CASKIN1: variants seen among roughly 807,000 people sequenced by gnomAD.
CASKIN1 encodes the protein CASK interacting protein 1.
In CASKIN1, 42 loss-of-function variants were observed where a neutral mutation model predicts 117.5. That is an observed-to-expected ratio of 0.36 (90% CI 0.28 to 0.46). CASKIN1 has a LOEUF of 0.46. CASKIN1 is among the 20% of genes least tolerant of loss of function. CASKIN1 has a pLI of 1.00. For missense variants in CASKIN1, 2,083 were observed against 2,077.3 expected, an observed-to-expected ratio of 1.00 and a Z score of -0.05; for synonymous variants, 1,148 against 961.7, an observed-to-expected ratio of 1.19 and a Z score of -3.59.
At position 2,183,957 on chromosome 16, in the gene CASKIN1, C is replaced by T. The variant is rs2093175979; in HGVS notation, c.1417-16G>A. On this transcript the variant is annotated splice_polypyrimidine_tract_variant and intron_variant, in intron 14 of 19. Coordinates refer to ENST00000343516, the MANE Select transcript of CASKIN1 (RefSeq NM_020764.4). ...CCTCAGAGCTCTGGAAGACACAAGG[C>T]ACCCACTGCAGGCTCGCCTGCCCGG... 1 of 1,555,882 alleles carries T rather than the reference C, an allele frequency of 6.4e-7. No homozygotes were observed. Among genetic ancestry groups the T allele is most frequent in the African/African-American group, 1.4e-5 (1 of 73,592 alleles).
chr16:2,180,101 G>A lies in CASKIN1; in HGVS notation c.3267C>T (p.Pro1089=), dbSNP rs899149209. ...RGPGESADPG[P]FVEDGTGRQR... Reference sequence around the variant, plus strand: ...GCCGGCCAGTGCCATCCTCCACAAAGGGGCCTGGGTCTGCCGACTCCCCAG... The same window carrying A: ...GCCGGCCAGTGCCATCCTCCACAAAAGGGCCTGGGTCTGCCGACTCCCCAG... The change falls in exon 18 of 20, where the codon CCC becomes CCT. Residue 1089 remains proline, a synonymous_variant. Coordinates refer to ENST00000343516, the MANE Select transcript of CASKIN1 (RefSeq NM_020764.4). 1.3e-6 allele frequency: 2 copies of A among 1,559,992 alleles called. No homozygotes were observed. The highest frequency in any genetic ancestry group is 1.7e-6 in the Non-Finnish European group (2 of 1,153,484).
intron 1 of CASKIN1, among the ~76,000 whole-genome samples, chr16:2,192,911 C>A (rs2093205077): frequency 6.6e-6 from 1 of 152,258 alleles, no homozygotes; most frequent in Admixed American, 6.5e-5. Flanking sequence ...CCTCATCCCC[C>A]ACACTCTGCC....
rs2093157896 is a variant in CASKIN1 at position 2,179,336 on chromosome 16, G to T, written c.3776-11C>A. The stretch of plus-strand genomic sequence containing the variant: ...GGGCGCGCTTCACCTCTGCGGGGAG[G>T]ACCACGCTGGCACCGAGCGGGCACG... On this transcript the variant is annotated splice_polypyrimidine_tract_variant and intron_variant, in intron 18 of 19. Coordinates refer to ENST00000343516, the MANE Select transcript of CASKIN1 (RefSeq NM_020764.4). This position sits in a 1 kb window ranked among gnomAD's most constrained non-coding sequence, Gnocchi z 5.8. 1 of 1,292,388 alleles carries T rather than the reference G, an allele frequency of 7.7e-7. No homozygotes were observed. Among genetic ancestry groups the T allele is most frequent in the South Asian group, 2.7e-5 (1 of 36,854 alleles). The allele number at this position is 1,292,388 out of a possible 1,614,324, so 80.1% of individuals were successfully genotyped here. A position where few individuals can be genotyped will look rare whatever the true frequency, so the allele number is the denominator to read the frequency against.
At chr16:2,183,283 C>T (rs965538054) in intron 16 of CASKIN1, among the ~76,000 whole-genome samples, 7 of 152,288 alleles carry the variant, frequency 4.6e-5, no homozygotes, top group South Asian at 2.1e-4. Context: ...GAGCAAAGGC[C>T]GTAAGCATGG....
chr16:2,178,776 C>G (rs1197132879), intron 19 of CASKIN1, 126 bp downstream of exon 19: 7 of 1,336,590 alleles, frequency 5.2e-6, no homozygotes, highest in Admixed American at 3.3e-5. Context: ...GGCGGAGCCC[C>G]GCTCACGGCA....
At position 2,179,616 on chromosome 16, in the gene CASKIN1, G is replaced by C; in HGVS notation, c.3752C>G (p.Pro1251Arg). Residue 1251 changes from proline (P) to arginine (R), a missense_variant, in exon 18 of 20, where the codon CCG becomes CGG. By Grantham distance (103) the Pro-to-Arg change is moderately radical. This residue lies in a region of CASKIN1 where 1,818 missense variants were observed against 1,688.9 expected (regional missense o/e 1.08). Transcript: ENST00000343516. This position sits in a 1 kb window ranked among gnomAD's most constrained non-coding sequence, Gnocchi z 5.8. Reference sequence around the variant, plus strand: ...ACCTGGGCTGCCAGGGCCTGGCAGCGGCACCTTCTTGGAGGTGGGTGTGGG... The same window carrying C: ...ACCTGGGCTGCCAGGGCCTGGCAGCCGCACCTTCTTGGAGGTGGGTGTGGG... The part of the protein sequence containing the change: ...GSPTPTSKKV[P>R]LPGPGSPEVK... 1 of 1,458,702 alleles carries C rather than the reference G, an allele frequency of 6.9e-7. No homozygotes were observed. Among genetic ancestry groups the C allele is most frequent in the Non-Finnish European group, 9.0e-7 (1 of 1,111,336 alleles). The allele number at this position is 1,458,702 out of a possible 1,614,324, so 90.4% of individuals were successfully genotyped here. A position where few individuals can be genotyped will look rare whatever the true frequency, so the allele number is the denominator to read the frequency against.
Position 2,180,139 on chromosome 16 carries a change from C to T in CASKIN1, c.3229G>A (p.Ala1077Thr). Residue 1077 changes from alanine to threonine, a missense_variant, in exon 18 of 20, where the codon GCC (alanine) becomes ACC (threonine). This residue lies in a region of CASKIN1 where 1,818 missense variants were observed against 1,688.9 expected (regional missense o/e 1.08). Transcript: ENST00000343516. ...GCCGACTCCCCAGGCCCCCGGCGGG[C>T]AGTGGCCAGAAGTCCGGTGACTGGC... ...SGPVTGLLAT[A>T]RRGPGESADP... is the part of the protein sequence containing the mutation. The T allele has an allele frequency of 1.9e-6, 3 of 1,555,226 alleles. No homozygotes were observed. Among genetic ancestry groups the T allele is most frequent in the Non-Finnish European group, 2.6e-6 (3 of 1,150,308 alleles).
rs376676749 is a variant in CASKIN1 at position 2,181,513 on chromosome 16, G to T, written c.1855C>A (p.Arg619Ser). The T allele has an allele frequency of 6.8e-6, 11 of 1,608,248 alleles. No individual in the cohort carries two copies. The highest frequency in any genetic ancestry group is 9.3e-6 in the Non-Finnish European group (11 of 1,178,758). Residue 619 changes from arginine to serine, a missense_variant, in exon 18 of 20, where the codon CGC becomes AGC. Transcript: ENST00000343516. The stretch of plus-strand genomic sequence containing the variant: ...TCAAGAGACTGGGGCGCCTTCCGGC[G>T]CAGGGGGCCCCCCTCATACTTGGCG... ...EYAKYEGGPL[R>S]RKAPQSLEVM... is the part of the protein sequence containing the mutation.
chr16:2,178,591 A>G lies in CASKIN1; in HGVS notation c.4255T>C (p.Phe1419Leu). The change falls in exon 20 of 20, where the codon TTC becomes CTC. Residue 1419 changes from phenylalanine (F) to leucine (L), a missense_variant. By Grantham distance (22) the Phe-to-Leu change is conservative. This residue lies in a region of CASKIN1 where 1,818 missense variants were observed against 1,688.9 expected (regional missense o/e 1.08). Coordinates refer to ENST00000343516, the MANE Select transcript of CASKIN1 (RefSeq NM_020764.4). ...GSILDDIGSM[F>L]DDLADQLDAM... ...TCCAGCTGGTCGGCCAGGTCGTCGA[A>G]CATGCTGCCGATGTCGTCCAGGATG... The G allele has an allele frequency of 6.3e-7, 1 of 1,597,790 alleles. No individual in the cohort carries two copies. The highest frequency in any genetic ancestry group is 8.5e-7 in the Non-Finnish European group (1 of 1,176,324).
Position 2,177,187 on chromosome 16 carries a change from C to A in CASKIN1, c.*1363G>T. ...AAAAGTGAGCCAGGCACCTCTGTTT[C>A]CTGCTGTTTATTGACAGCCGACGGC... On this transcript the variant is annotated 3_prime_UTR_variant, in exon 20 of 20. Coordinates refer to ENST00000343516, the MANE Select transcript of CASKIN1 (RefSeq NM_020764.4). 4.1e-6 allele frequency: 1 copy of A among 245,256 alleles called. No individual in the cohort carries two copies. Among genetic ancestry groups the A allele is most frequent in the Non-Finnish European group, 8.1e-6 (1 of 123,826 alleles). The allele number at this position is 245,256 out of a possible 1,614,324, so 15.2% of individuals were successfully genotyped here.
chr16:2,184,170 C>T (rs1231722569), intron 14 of CASKIN1, among the ~76,000 whole-genome samples: 1 of 151,312 alleles, frequency 6.6e-6, no homozygotes. Context: ...CTGGGATCTC[C>T]ACCGGTGGGG....
In CASKIN1 at chr16:2,179,730, G is replaced by C; in HGVS notation, c.3638C>G (p.Pro1213Arg). The C allele has an allele frequency of 6.5e-7, 1 of 1,547,166 alleles. No homozygotes were observed. The highest frequency in any genetic ancestry group is 1.2e-5 in the South Asian group (1 of 83,590). ...CGGCTTCCGGGCTTCGCCCTCGGGC[G>C]GGGGCAATGGGGGTAGGTGCGCCAG... ...TDLAHLPPLP[P>R]PEGEARKPAK... is the part of the protein sequence containing the mutation. The change falls in exon 18 of 20, where the codon CCG becomes CGG. Residue 1213 changes from proline (P) to arginine (R), a missense_variant. By Grantham distance (103) the Pro-to-Arg change is moderately radical (BLOSUM62 -2). This residue lies in a region of CASKIN1 where 1,818 missense variants were observed against 1,688.9 expected (regional missense o/e 1.08). Coordinates refer to ENST00000343516, the MANE Select transcript of CASKIN1 (RefSeq NM_020764.4). The surrounding 1 kb of genome is among the most constrained non-coding windows in gnomAD (Gnocchi z 5.8).
rs1344197858 is a variant in CASKIN1 at position 2,179,595 on chromosome 16, G to A, written c.3773C>T (p.Pro1258Leu). The part of the protein sequence containing the change: ...KKVPLPGPGS[P>L]EVKRAHGTPP... ...TCACCCCACCCTGGCTGGCCTACCT[G>A]GGCTGCCAGGGCCTGGCAGCGGCAC... The change falls in exon 18 of 20, where the codon CCA (proline) becomes CTA (leucine). Residue 1258 changes from proline (P) to leucine (L), a missense_variant and splice_region_variant. By Grantham distance (98) the Pro-to-Leu change is moderately conservative (BLOSUM62 -3). This residue lies in a region of CASKIN1 where 1,818 missense variants were observed against 1,688.9 expected (regional missense o/e 1.08). Coordinates refer to ENST00000343516, the MANE Select transcript of CASKIN1 (RefSeq NM_020764.4). The surrounding 1 kb of genome is among the most constrained non-coding windows in gnomAD (Gnocchi z 5.8). 2 of 1,443,536 alleles carry A rather than the reference G, an allele frequency of 1.4e-6. No individual in the cohort carries two copies. Among genetic ancestry groups the A allele is most frequent in the South Asian group, 1.5e-5 (1 of 67,916 alleles). The allele number at this position is 1,443,536 out of a possible 1,614,324, so 89.4% of individuals were successfully genotyped here. A position where few individuals can be genotyped will look rare whatever the true frequency, so the allele number is the denominator to read the frequency against.
chr16:2,183,739 C>A lies in CASKIN1; in HGVS notation c.1536G>T (p.Thr512=), dbSNP rs370796747. ...TISRMTPEDL[T]AIGVTKPGHR... ...GGCCCGGCTTGGTGACACCAATGGC[C>A]GTGAGGTCCTAGGCAGTGGGGAGGC... Residue 512 remains threonine, a synonymous_variant, in exon 16 of 20, where the codon ACG becomes ACT. Coordinates refer to ENST00000343516, the MANE Select transcript of CASKIN1 (RefSeq NM_020764.4). 8 of 1,613,200 alleles carry A rather than the reference C, an allele frequency of 5.0e-6. No homozygotes were observed. The African/African-American group carries it at 9.3e-5, about 19-fold the overall frequency.
At chr16:2,192,584 G>T (rs2093204247) in intron 1 of CASKIN1, among the ~76,000 whole-genome samples, 1 of 152,096 alleles carries the variant, frequency 6.6e-6, no homozygotes, top group Non-Finnish European at 1.5e-5. Flanking sequence ...GTGTGCACGT[G>T]CGGCCTCCTC....
chr16:2,180,813 G>T lies in CASKIN1; in HGVS notation c.2555C>A (p.Ala852Glu). Residue 852 changes from alanine to glutamate, a missense_variant, in exon 18 of 20, where the codon GCG becomes GAG. Physicochemically the swap from Ala to Glu is moderately radical, Grantham distance 107. This residue lies in a region of CASKIN1 where 1,818 missense variants were observed against 1,688.9 expected (regional missense o/e 1.08). Coordinates refer to ENST00000343516, the MANE Select transcript of CASKIN1 (RefSeq NM_020764.4). The part of the protein sequence containing the change: ...GEVGPAAPGP[A>E]PPPVPTAVPT... ...CACAGCCGTCGGCACGGGTGGGGGC[G>T]CAGGCCCCGGGGCAGCCGGCCCCAC... 1 of 1,395,250 alleles carries T rather than the reference G, an allele frequency of 7.2e-7. No homozygotes were observed. Among genetic ancestry groups the T allele is most frequent in the Non-Finnish European group, 9.2e-7 (1 of 1,082,966 alleles). 86.4% of individuals were successfully genotyped at this position (1,395,250 alleles called of 1,614,324 possible).
intron 14 of CASKIN1, 129 bp from the exon 15 acceptor site, chr16:2,184,070 G>A (rs1040820867): frequency 1.6e-6 from 1 of 617,184 alleles, no homozygotes; most frequent in Non-Finnish European, 2.8e-6. Context: ...TCCATCTGCA[G>A]CAGGCCCCGG....
chr16:2,180,880 G>C lies in CASKIN1; in HGVS notation c.2488C>G (p.Arg830Gly), dbSNP rs752858207. 1.4e-6 allele frequency: 2 copies of C among 1,427,332 alleles called. No homozygotes were observed. Among genetic ancestry groups the C allele is most frequent in the Non-Finnish European group, 1.8e-6 (2 of 1,097,322 alleles). The allele number at this position is 1,427,332 out of a possible 1,614,324, so 88.4% of individuals were successfully genotyped here. A position where few individuals can be genotyped will look rare whatever the true frequency, so the allele number is the denominator to read the frequency against. The change falls in exon 18 of 20, where the codon CGC becomes GGC. Residue 830 changes from arginine (R) to glycine (G), a missense_variant. By Grantham distance (125) the Arg-to-Gly change is moderately radical. Transcript: ENST00000343516. The part of the protein sequence containing the change: ...PRSLPQSPTH[R>G]GFAYVLPQPV... ...TGGGGCAGCACGTAGGCAAAGCCGCGGTGCGTCGGTGACTGAGGCAGGGAG... is the reference window on the plus strand; with the variant it reads ...TGGGGCAGCACGTAGGCAAAGCCGCCGTGCGTCGGTGACTGAGGCAGGGAG...
rs769010681 is a variant in CASKIN1, at chr16:2,180,199, C to T, written c.3169G>A (p.Gly1057Arg). The change falls in exon 18 of 20, where the codon GGG (glycine) becomes AGG (arginine). Residue 1057 changes from glycine to arginine, a missense_variant. Gly to Arg is a moderately radical substitution (Grantham distance 125). This residue lies in a region of CASKIN1 where 1,818 missense variants were observed against 1,688.9 expected (regional missense o/e 1.08). Transcript: ENST00000343516. Reference protein sequence around the residue: ...VKHKEAIGPGGEVVNRRRTLS... With the variant: ...VKHKEAIGPGREVVNRRRTLS... ...GTGCGGCGCCGGTTCACCACCTCCC[C>T]GCCAGGCCCGATGGCCTCTTTGTGT... 50 of 1,549,616 alleles carry T rather than the reference C, an allele frequency of 3.2e-5. No individual in the cohort carries two copies. Among genetic ancestry groups the T allele is most frequent in the South Asian group, 3.0e-4 (25 of 84,278 alleles).
Sources: allele counts gnomAD v4.1 joint callset (sites outside exome capture counted in the v4.1 genomes callset), GRCh38; gene constraint gnomAD v4.1.1; regional missense constraint gnomAD v4.1.1; non-coding constraint Gnocchi (gnomAD v3.1); transcripts MANE v1.5; gene names NCBI Gene and HGNC (gene_info 2026-07-23, HGNC 2026-07-21).